Variants in GALNT13 observed in about 807,000 individuals in gnomAD.
The protein encoded by GALNT13 is UDP-GalNAc:polypeptide N-acetylgalactosaminyltransferase 13.
A neutral mutation model predicts 64.2 loss-of-function variants in GALNT13; 28 were observed. That is an observed-to-expected ratio of 0.44 (90% CI 0.32 to 0.60). GALNT13 has a LOEUF of 0.60. Ranked by LOEUF, GALNT13 falls within the 20% of genes least tolerant of loss-of-function variation. The pLI, the probability that GALNT13 is intolerant of heterozygous loss-of-function variation, is 0.05. For synonymous variants in GALNT13, 214 were observed against 224.6 expected (o/e 0.95, Z 0.42); for missense variants, 577 against 669.8 (o/e 0.86, Z 1.53).
At chr2:154,067,026 C>T (rs1303599585) in intron 3 of GALNT13, among the ~76,000 whole-genome samples, 1 of 151,906 alleles carries the variant, frequency 6.6e-6, no homozygotes, top group Non-Finnish European at 1.5e-5. Flanking sequence ...TTAGTTATTG[C>T]TTTTCCTGTT....
At chr2:153,243,077 A>G in the GALNT13 span, among the ~76,000 whole-genome samples, 1 of 152,182 alleles carries the variant, frequency 6.6e-6, no homozygotes, top group South Asian at 2.1e-4. Context: ...TTGACTCTTC[A>G]CATGCTTGGA....
At chr2:153,226,835 G>A in the GALNT13 span, among the ~76,000 whole-genome samples, 1 of 152,172 alleles carries the variant, frequency 6.6e-6, no homozygotes, top group Admixed American at 6.5e-5. Context: ...CATCCAGCTC[G>A]GTTAATTGTA....
chr2:154,097,088 A>AGGATTTTT (rs1398752387), intron 3 of GALNT13, among the ~76,000 whole-genome samples: 1 of 152,046 alleles, frequency 6.6e-6, no homozygotes, highest in Non-Finnish European at 1.5e-5. Flanking sequence ...CAATTTTAAG[A>AGGATTTTT]AGTCTTTATT....
At chr2:153,504,067 C>T in the GALNT13 span, among the ~76,000 whole-genome samples, 1 of 152,138 alleles carries the variant, frequency 6.6e-6, no homozygotes, top group Non-Finnish European at 1.5e-5. Context: ...TTTCTTTCAG[C>T]AGTGTTTTGT....
chr2:153,398,076 C>A, the GALNT13 span, among the ~76,000 whole-genome samples: 1 of 144,062 alleles, frequency 6.9e-6, no homozygotes, highest in Non-Finnish European at 1.5e-5. Flanking sequence ...TCCCCCCTCC[C>A]CCTACCCCAC....
chr2:153,983,448 T>C (rs942171700), intron 3 of GALNT13, among the ~76,000 whole-genome samples: 1 of 151,934 alleles, frequency 6.6e-6, no homozygotes, highest in Non-Finnish European at 1.5e-5. Context: ...ACTTAGATTT[T>C]GCATTTAAAA....
intron 8 of GALNT13, among the ~76,000 whole-genome samples, chr2:154,287,906 G>A (rs143873809): frequency 4.1e-4 from 63 of 152,154 alleles, no homozygotes; most frequent in African/African-American, 1.3e-3. Context: ...CTGGTCTTGC[G>A]TTGGAGATAT....
chr2:153,596,854 A>G, the GALNT13 span, among the ~76,000 whole-genome samples: 1 of 152,092 alleles, frequency 6.6e-6, no homozygotes, highest in African/African-American at 2.4e-5. Context: ...ATTTTAGGAT[A>G]TATTGAAATC....
At chr2:153,938,551 A>G (rs1691111642) in intron 2 of GALNT13, among the ~76,000 whole-genome samples, 1 of 152,178 alleles carries the variant, frequency 6.6e-6, no homozygotes. Flanking sequence ...GAATTTAACT[A>G]GCCAGTGTTT....
chr2:154,337,688 A>G (rs539541800), intron 9 of GALNT13, among the ~76,000 whole-genome samples: 110 of 152,188 alleles, frequency 7.2e-4, no homozygotes, highest in Middle Eastern at 3.4e-3. Flanking sequence ...TCCATAGGCC[A>G]TATACAGTAA....
chr2:153,721,765 A>AAT, the GALNT13 span, among the ~76,000 whole-genome samples: 1 of 151,872 alleles, frequency 6.6e-6, no homozygotes, highest in East Asian at 1.9e-4. Context: ...AACTATCCTA[A>AAT]ATATATATGC....
At chr2:153,352,825 C>A in the GALNT13 span, among the ~76,000 whole-genome samples, 1 of 152,036 alleles carries the variant, frequency 6.6e-6, no homozygotes, top group Admixed American at 6.6e-5. Flanking sequence ...TCGGCTCTTT[C>A]ATCAGTACTA....
chr2:153,511,561 T>G, the GALNT13 span, among the ~76,000 whole-genome samples: 3 of 152,182 alleles, frequency 2.0e-5, no homozygotes, highest in African/African-American at 7.2e-5. Flanking sequence ...AAGGGAAAGT[T>G]ATTGGATCTT....
chr2:153,531,060 T>C, the GALNT13 span, among the ~76,000 whole-genome samples: 8 of 152,122 alleles, frequency 5.3e-5, no homozygotes, highest in Admixed American at 1.3e-4. Context: ...GTTAAAAAAC[T>C]TCTGTATAGC....
At chr2:154,210,346 T>G (rs1039150723) in intron 4 of GALNT13, among the ~76,000 whole-genome samples, 2 of 152,184 alleles carry the variant, frequency 1.3e-5, no homozygotes, top group Non-Finnish European at 2.9e-5. Context: ...TTTGGATATA[T>G]ACCCAGAAGT....
At chr2:154,060,041 G>T (rs74893023) in intron 3 of GALNT13, among the ~76,000 whole-genome samples, 1 of 152,118 alleles carries the variant, frequency 6.6e-6, no homozygotes, top group Non-Finnish European at 1.5e-5. Flanking sequence ...TAAAGGTAGG[G>T]CCCCTGTAGT....
At chr2:154,156,805 C>G (rs1684449163) in intron 4 of GALNT13, among the ~76,000 whole-genome samples, 1 of 152,066 alleles carries the variant, frequency 6.6e-6, no homozygotes, top group Admixed American at 6.6e-5. Flanking sequence ...AAGTCTGGAA[C>G]TTATATAGAT....
chr2:153,236,528 C>T, the GALNT13 span, among the ~76,000 whole-genome samples: 1 of 152,040 alleles, frequency 6.6e-6, no homozygotes, highest in Non-Finnish European at 1.5e-5. Context: ...TCCGAGGACC[C>T]TTAAGAATTA....
At chr2:154,279,182 T>G (rs754867330) in intron 8 of GALNT13, among the ~76,000 whole-genome samples, 1 of 152,106 alleles carries the variant, frequency 6.6e-6, no homozygotes, top group Non-Finnish European at 1.5e-5. Context: ...CTTATTATCA[T>G]CTTATTCTAT....
Sources: allele counts gnomAD v4.1 joint callset (sites outside exome capture counted in the v4.1 genomes callset), GRCh38; gene constraint gnomAD v4.1.1; transcripts MANE v1.5; gene names NCBI Gene and HGNC (gene_info 2026-07-23, HGNC 2026-07-21).